HS6ST3: variants seen among roughly 807,000 people sequenced by gnomAD.
The protein encoded by HS6ST3 is heparan-sulfate 6-O-sulfotransferase 3.
HS6ST3 carries 12 observed loss-of-function variants against 36.7 expected under a neutral mutation model. That is an observed-to-expected ratio of 0.33 (90% CI 0.21 to 0.53). The LOEUF (loss-of-function observed/expected upper bound fraction) is 0.53, where lower values mean the gene tolerates loss of function less well. HS6ST3 is among the 20% of genes least tolerant of loss of function. The pLI, the probability that HS6ST3 is intolerant of heterozygous loss-of-function variation, is 0.95. For synonymous variants in HS6ST3, 240 were observed against 257.5 expected (o/e 0.93, Z 0.65); for missense variants, 584 against 640.9 (o/e 0.91, Z 0.96).
intron 1 of HS6ST3, among the ~76,000 whole-genome samples, chr13:96,295,048 T>A (rs1427909162): frequency 6.6e-6 from 1 of 152,102 alleles, no homozygotes; most frequent in Non-Finnish European, 1.5e-5. Context: ...AGTCAGGTTT[T>A]AAAAAATAGT....
chr13:96,751,152 G>A (rs949089169), intron 1 of HS6ST3, among the ~76,000 whole-genome samples: 12 of 152,178 alleles, frequency 7.9e-5, no homozygotes, highest in African/African-American at 2.9e-4. Flanking sequence ...GTGGCTTGAA[G>A]GGTGCTCCTC....
At chr13:96,628,745 T>C (rs2056521596) in intron 1 of HS6ST3, among the ~76,000 whole-genome samples, 1 of 152,106 alleles carries the variant, frequency 6.6e-6, no homozygotes, top group Non-Finnish European at 1.5e-5. Context: ...GTCTACTCTT[T>C]TTGTGATATT....
intron 1 of HS6ST3, among the ~76,000 whole-genome samples, chr13:96,328,217 G>A (rs1263355268): frequency 1.4e-5 from 2 of 146,356 alleles, no homozygotes; most frequent in African/African-American, 2.5e-5. Flanking sequence ...CCAACACTAT[G>A]TTGAATAGGA....
intron 1 of HS6ST3, among the ~76,000 whole-genome samples, chr13:96,530,699 G>A (rs527872510): frequency 3.3e-5 from 5 of 152,088 alleles, no homozygotes; most frequent in East Asian, 3.9e-4. Flanking sequence ...CTTCTGATAC[G>A]TCTTTGAAAT....
intron 1 of HS6ST3, among the ~76,000 whole-genome samples, chr13:96,134,201 T>C (rs1045280550): frequency 5.3e-5 from 8 of 152,132 alleles, no homozygotes; most frequent in Non-Finnish European, 1.2e-4. Flanking sequence ...GTTGTTCTTT[T>C]ATTTCTTTAT....
chr13:96,713,331 G>A (rs1410445087), intron 1 of HS6ST3, among the ~76,000 whole-genome samples: 3 of 152,096 alleles, frequency 2.0e-5, no homozygotes, highest in Admixed American at 6.5e-5. Context: ...ATATTGAGGG[G>A]CTGTTTTAAA....
At chr13:96,545,038 T>C (rs891088287) in intron 1 of HS6ST3, among the ~76,000 whole-genome samples, 1 of 152,140 alleles carries the variant, frequency 6.6e-6, no homozygotes, top group Non-Finnish European at 1.5e-5. Flanking sequence ...GAAAATGCGC[T>C]CCTTGCCTGG....
Position 96,308,010 on chromosome 13 carries a change from G to T in HS6ST3, c.707+216441G>T, listed in dbSNP as rs563501763. Among the ~76,000 whole-genome samples, 3 of 152,008 alleles carry T rather than the reference G, an allele frequency of 2.0e-5. No homozygotes were observed. In the East Asian group the frequency reaches 5.8e-4, roughly 29 times the overall value. On this transcript the variant is annotated intron_variant, in intron 1 of 1. Coordinates refer to ENST00000376705, the MANE Select transcript of HS6ST3 (RefSeq NM_153456.4). ...GAGAGAGAGAAGATGAAGAGTCAAG[G>T]GTATCAATACTGAAAAGTAATAACA...
At chr13:96,662,843 G>A (rs1476124107) in intron 1 of HS6ST3, among the ~76,000 whole-genome samples, 1 of 152,068 alleles carries the variant, frequency 6.6e-6, no homozygotes, top group Non-Finnish European at 1.5e-5. Context: ...TTGCTCTTCT[G>A]TCAGCAAGTT....
At chr13:96,813,159 G>A (rs564801665) in intron 1 of HS6ST3, among the ~76,000 whole-genome samples, 6 of 152,192 alleles carry the variant, frequency 3.9e-5, no homozygotes, top group Non-Finnish European at 8.8e-5. Flanking sequence ...AGCAGCCTAA[G>A]TAGAGGTTTA....
At chr13:96,296,626 T>C (rs565384022) in intron 1 of HS6ST3, among the ~76,000 whole-genome samples, 1 of 152,282 alleles carries the variant, frequency 6.6e-6, no homozygotes, top group East Asian at 1.9e-4. Flanking sequence ...ATTTACTATT[T>C]ATATAGCTGT....
At chr13:96,294,665 G>C (rs1022557872) in intron 1 of HS6ST3, among the ~76,000 whole-genome samples, 2 of 152,012 alleles carry the variant, frequency 1.3e-5, no homozygotes, top group Non-Finnish European at 2.9e-5. Flanking sequence ...TTAGAGTTTT[G>C]TGTAAAAAGG....
At chr13:96,613,684 T>C (rs2056463778) in intron 1 of HS6ST3, among the ~76,000 whole-genome samples, 1 of 152,246 alleles carries the variant, frequency 6.6e-6, no homozygotes, top group African/African-American at 2.4e-5. Flanking sequence ...TTTTAAAATC[T>C]GTCTACATGA....
At chr13:96,270,943 A>C (rs2054716688) in intron 1 of HS6ST3, among the ~76,000 whole-genome samples, 1 of 151,912 alleles carries the variant, frequency 6.6e-6, no homozygotes, top group Non-Finnish European at 1.5e-5. Flanking sequence ...GCTCAACTCA[A>C]GTACCGTTTC....
At chr13:96,811,537 T>C (rs1461593513) in intron 1 of HS6ST3, among the ~76,000 whole-genome samples, 1 of 152,218 alleles carries the variant, frequency 6.6e-6, no homozygotes, top group Non-Finnish European at 1.5e-5. Flanking sequence ...AATGCATTTA[T>C]TACAAAGTGT....
intron 1 of HS6ST3, among the ~76,000 whole-genome samples, chr13:96,681,438 T>G (rs1201417825): frequency 6.6e-6 from 1 of 152,114 alleles, no homozygotes; most frequent in African/African-American, 2.4e-5. Flanking sequence ...TTTTCTACCC[T>G]CCTGCTACTG....
intron 1 of HS6ST3, among the ~76,000 whole-genome samples, chr13:96,266,168 T>G (rs1475551946): frequency 2.6e-5 from 4 of 152,292 alleles, no homozygotes; most frequent in Non-Finnish European, 4.4e-5. Flanking sequence ...ATATGTTGAA[T>G]CATCTGATGT....
intron 1 of HS6ST3, among the ~76,000 whole-genome samples, chr13:96,478,379 C>T (rs367576754): frequency 1.3e-5 from 2 of 151,968 alleles, no homozygotes; most frequent in East Asian, 1.9e-4. Context: ...GAGTCCTAAG[C>T]GGCAAAAAAG....
At chr13:96,523,866 G>A (rs1034481159) in intron 1 of HS6ST3, among the ~76,000 whole-genome samples, 12 of 152,120 alleles carry the variant, frequency 7.9e-5, no homozygotes, top group Admixed American at 2.0e-4. Flanking sequence ...CTGTCAACTC[G>A]TCAAACTCAT....
Sources: allele counts gnomAD v4.1 joint callset (sites outside exome capture counted in the v4.1 genomes callset), GRCh38; gene constraint gnomAD v4.1.1; transcripts MANE v1.5; gene names NCBI Gene and HGNC (gene_info 2026-07-23, HGNC 2026-07-21).